SIM1: variants seen among roughly 807,000 people sequenced by gnomAD.
The protein encoded by SIM1 is SIM bHLH transcription factor 1.
SIM1 carries 18 observed loss-of-function variants against 78.2 expected under a neutral mutation model. That is an observed-to-expected ratio of 0.23 (90% CI 0.16 to 0.34). The LOEUF is 0.34. Ranked by LOEUF, SIM1 falls within the 10% of genes least tolerant of loss-of-function variation. The probability of loss-of-function intolerance (pLI) is 1.00; values close to 1 mark genes in which losing one functional copy is unlikely to be tolerated. For synonymous variants in SIM1, 417 were observed against 385.2 expected, an observed-to-expected ratio of 1.08 and a Z score of -0.97; for missense variants, 939 against 975.1, an observed-to-expected ratio of 0.96 and a Z score of 0.49.
At chr6:100,429,743 T>C (rs1459798757) in intron 9 of SIM1, among the ~76,000 whole-genome samples, 2 of 152,170 alleles carry the variant, frequency 1.3e-5, no homozygotes, top group Non-Finnish European at 2.9e-5. Flanking sequence ...TATTTCTTTG[T>C]AAAAAAACAC....
Position 100,390,635 on chromosome 6 carries a change from T to C in SIM1, c.2027A>G (p.Asp676Gly), listed in dbSNP as rs1770613644. 6.2e-7 allele frequency: 1 copy of C among 1,614,158 alleles called. No homozygotes were observed. The highest frequency in any genetic ancestry group is 1.7e-5 in the Admixed American group (1 of 60,014). The change falls in exon 12 of 12, where the codon GAC becomes GGC. Residue 676 changes from aspartate to glycine, a missense_variant. Physicochemically the swap from Asp to Gly is moderately conservative, Grantham distance 94. Around this residue, in one of 5 missense-constraint regions of SIM1, gnomAD observed 556 missense variants for 521.9 expected, o/e 1.07. Transcript: ENST00000369208. ...AGGAGATATATCCGAATGCAGATAG[T>C]CTTTAGCTAGGATCAAACTGGATTT... ...ISKSSLILAK[D>G]YLHSDISPHQ...
intron 10 of SIM1, among the ~76,000 whole-genome samples, chr6:100,405,502 C>T (rs1332453345): frequency 6.6e-6 from 1 of 151,942 alleles, no homozygotes; most frequent in East Asian, 1.9e-4. Flanking sequence ...CAAGATTTCC[C>T]CCCATTATTT....
At chr6:100,411,016 CTA>C (rs1771175261) in intron 10 of SIM1, among the ~76,000 whole-genome samples, 1 of 152,142 alleles carries the variant, frequency 6.6e-6, no homozygotes, top group South Asian at 2.1e-4. Context: ...TGGAGAAAAT[CTA>C]TCTTTCATAA....
chr6:100,423,288 G>A (rs1487906963), intron 9 of SIM1, among the ~76,000 whole-genome samples: 1 of 152,198 alleles, frequency 6.6e-6, no homozygotes, highest in Non-Finnish European at 1.5e-5. Flanking sequence ...TTCTTAACCT[G>A]TAAAACTCTT....
At chr6:100,422,340 AT>A (rs913500973) in intron 9 of SIM1, among the ~76,000 whole-genome samples, 1 of 152,016 alleles carries the variant, frequency 6.6e-6, no homozygotes, top group Non-Finnish European at 1.5e-5. Context: ...AGTAGCTAGG[AT>A]TACTGGCAGC....
At position 100,448,696 on chromosome 6, in the gene SIM1, G is replaced by A; in HGVS notation, c.544-18C>T. 6.2e-7 allele frequency: 1 copy of A among 1,601,238 alleles called. No homozygotes were observed. Among genetic ancestry groups the A allele is most frequent in the Non-Finnish European group, 8.5e-7 (1 of 1,176,468 alleles). ...TGGATGACCTGAGGCAGAGGGATAG[G>A]GAGGGAGACTCAGCCACAGGTAGGA... is the stretch of plus-strand genomic sequence containing the variant. On this transcript the variant is annotated intron_variant, in intron 6 of 11. Coordinates refer to ENST00000369208, the MANE Select transcript of SIM1 (RefSeq NM_005068.3).
rs955088542 is a variant in SIM1 at position 100,456,483 on chromosome 6, C to T, written c.176-2639G>A. On this transcript the variant is annotated intron_variant, in intron 2 of 11. Coordinates refer to ENST00000369208, the MANE Select transcript of SIM1 (RefSeq NM_005068.3). ...AAGATCTAAAGATTCTCTTGCAATT[C>T]GGCGAGGCCGAGGGAACGGGGTTTT... Among the ~76,000 whole-genome samples, 3 of 152,204 alleles carry T rather than the reference C, an allele frequency of 2.0e-5. 1 individual carries two copies. The highest frequency in any genetic ancestry group is 1.3e-4 in the Admixed American group (2 of 15,278).
intron 4 of SIM1, 56 bp from the exon 5 acceptor site, chr6:100,449,755 C>T: frequency 6.9e-7 from 1 of 1,441,904 alleles, no homozygotes. Context: ...GGTGAAGGGA[C>T]TGAAAGATTA....
intron 10 of SIM1, among the ~76,000 whole-genome samples, chr6:100,400,293 A>G (rs982456011): frequency 1.3e-5 from 2 of 152,028 alleles, no homozygotes; most frequent in African/African-American, 4.8e-5. Flanking sequence ...TCACATACTG[A>G]TAATAAAGAA....
chr6:100,453,405 G>C (rs1157897834), intron 3 of SIM1, among the ~76,000 whole-genome samples: 3 of 152,142 alleles, frequency 2.0e-5, no homozygotes, highest in Non-Finnish European at 4.4e-5. Context: ...GGATGGTTCT[G>C]TGGCCTTGCC....
At position 100,386,441 on chromosome 6, in the gene SIM1, G is replaced by A. The variant is rs2114452330; in HGVS notation, c.*3920C>T. ...ATAAAAATCAAATGTGTATTCAGAA[G>A]ATTTCTTTATCTGTGCTGCCATCCA... On this transcript the variant is annotated 3_prime_UTR_variant, in exon 12 of 12. Coordinates refer to ENST00000369208, the MANE Select transcript of SIM1 (RefSeq NM_005068.3). 6.6e-6 allele frequency: 1 copy of A among 152,144 alleles called. No individual in the cohort carries two copies. Among genetic ancestry groups the A allele is most frequent in the East Asian group, 1.9e-4 (1 of 5,180 alleles). The allele number at this position is 152,144 out of a possible 1,614,324, so 9.4% of individuals were successfully genotyped here.
At chr6:100,430,484 T>C (rs1771872486) in intron 9 of SIM1, among the ~76,000 whole-genome samples, 1 of 152,066 alleles carries the variant, frequency 6.6e-6, no homozygotes, top group Admixed American at 6.5e-5. Flanking sequence ...GAATCAAATA[T>C]AAAGAAAAAG....
At chr6:100,454,202 G>A (rs1021209581) in intron 2 of SIM1, among the ~76,000 whole-genome samples, 9 of 152,084 alleles carry the variant, frequency 5.9e-5, no homozygotes, top group African/African-American at 2.2e-4. Context: ...TCTGCTTCTC[G>A]CCCAAAGTTT....
chr6:100,449,242 G>C (rs570798590), intron 6 of SIM1, 121 bp downstream of exon 6: 1 of 767,202 alleles, frequency 1.3e-6, no homozygotes, highest in Non-Finnish European at 2.2e-6. Flanking sequence ...GCGGCTCTTC[G>C]ACGCAAGCTG....
intron 3 of SIM1, among the ~76,000 whole-genome samples, chr6:100,452,175 G>T (rs1772528711): frequency 6.6e-6 from 1 of 152,188 alleles, no homozygotes; most frequent in Non-Finnish European, 1.5e-5. Flanking sequence ...TAAATCATCA[G>T]TGTCACCTCC....
At chr6:100,403,075 T>G (rs1414180305) in intron 10 of SIM1, among the ~76,000 whole-genome samples, 1 of 152,236 alleles carries the variant, frequency 6.6e-6, no homozygotes, top group Non-Finnish European at 1.5e-5. Context: ...AAACCTCTTC[T>G]TAGAAAATTT....
chr6:100,432,891 C>T (rs1360227211), intron 9 of SIM1, among the ~76,000 whole-genome samples: 1 of 152,156 alleles, frequency 6.6e-6, no homozygotes, highest in Admixed American at 6.5e-5. Context: ...ACCCTCATTG[C>T]TGCCTCTGCC....
intron 2 of SIM1, 104 bp from the exon 3 acceptor site, chr6:100,453,948 T>C: frequency 2.7e-6 from 2 of 737,954 alleles, no homozygotes; most frequent in South Asian, 1.9e-5. Context: ...CCCCTTTGAC[T>C]GGATACCATA....
intron 2 of SIM1, among the ~76,000 whole-genome samples, chr6:100,457,728 G>A (rs1772707238): frequency 1.3e-5 from 2 of 152,210 alleles, no homozygotes; most frequent in Non-Finnish European, 2.9e-5. Context: ...AGGCGCACCC[G>A]ACCCCACCTC....
Sources: allele counts gnomAD v4.1 joint callset (sites outside exome capture counted in the v4.1 genomes callset), GRCh38; gene constraint gnomAD v4.1.1; regional missense constraint gnomAD v4.1.1; transcripts MANE v1.5; gene names NCBI Gene and HGNC (gene_info 2026-07-23, HGNC 2026-07-21).